Variants in RBAK observed in about 807,000 individuals in gnomAD.
RBAK encodes the protein RB associated KRAB zinc finger, also known as RB-associated KRAB zinc finger protein.
Under a neutral mutation model 65.8 loss-of-function variants are expected in RBAK, and 39 were observed. The ratio of observed to expected loss-of-function variants is 0.59; its 90% CI spans 0.46 to 0.77. The LOEUF (loss-of-function observed/expected upper bound fraction) is 0.77. Ranked by LOEUF, RBAK falls within the 30% of genes least tolerant of loss-of-function variation. RBAK has a pLI of 0.00. For synonymous variants in RBAK, 343 were observed against 289.7 expected, an observed-to-expected ratio of 1.18 and a Z score of -1.87; for missense variants, 884 against 855.1, an observed-to-expected ratio of 1.03 and a Z score of -0.42.
rs1779283367 is a variant in RBAK at position 5,068,803 on chromosome 7, A to T, written c.*3202A>T. ...GGCACATGTGCAATGGAATGAATAA[A>T]GAAGTGGCATATGTCCATGGAATAC... On this transcript the variant is annotated 3_prime_UTR_variant, in exon 5 of 5. Transcript: ENST00000396912. 1 of 152,244 alleles carries T rather than the reference A, an allele frequency of 6.6e-6. No homozygotes were observed. The highest frequency in any genetic ancestry group is 2.4e-5 in the African/African-American group (1 of 41,460). 9.4% of individuals were successfully genotyped at this position (152,244 alleles called of 1,614,324 possible).
chr7:5,062,737 A>C (rs1779107565), intron 4 of RBAK, among the ~76,000 whole-genome samples: 2 of 152,156 alleles, frequency 1.3e-5, no homozygotes, highest in African/African-American at 4.8e-5. Context: ...GCCACACCTA[A>C]GGGGGCCATC....
intron 2 of RBAK, among the ~76,000 whole-genome samples, chr7:5,050,915 T>C (rs558534380): frequency 8.3e-4 from 126 of 152,334 alleles, no homozygotes; most frequent in African/African-American, 2.7e-3. Context: ...TATTTGGTTA[T>C]GTAATTCATG....
In RBAK at chr7:5,054,936, A is replaced by C. The variant is rs557213314; in HGVS notation, c.16-2359A>C. 2.0e-5 allele frequency among the ~76,000 whole-genome samples: 3 copies of C among 150,270 alleles called. No individual in the cohort carries two copies. In the South Asian group the frequency reaches 6.2e-4, roughly 31 times the overall value. On this transcript the variant is annotated intron_variant, in intron 2 of 4. Transcript: ENST00000396912. ...GTAAGTTGACCTTAATAATACAACT[A>C]ATTTTTTTTGTTTGTTTGTTTTTTA...
chr7:5,052,822 C>T (rs866684668), intron 2 of RBAK, among the ~76,000 whole-genome samples: 15 of 152,230 alleles, frequency 9.9e-5, no homozygotes, highest in Admixed American at 2.6e-4. Flanking sequence ...TGCAGGGGTG[C>T]GATCTTGGCT....
chr7:5,051,134 T>TA (rs1435014668), intron 2 of RBAK, among the ~76,000 whole-genome samples: 1 of 152,216 alleles, frequency 6.6e-6, no homozygotes, highest in Non-Finnish European at 1.5e-5. Context: ...ATATATTTGA[T>TA]ATATTTGATA....
chr7:5,068,330 C>CTCATAGTT lies in RBAK; in HGVS notation c.*2731_*2738dup, dbSNP rs1024868092. 18 of 152,128 alleles carry CTCATAGTT rather than the reference C, an allele frequency of 1.2e-4. No homozygotes were observed. The highest frequency in any genetic ancestry group is 1.0e-3 in the Admixed American group (16 of 15,256). The allele number at this position is 152,128 out of a possible 1,614,324, so 9.4% of individuals were successfully genotyped here. A position where few individuals can be genotyped will look rare whatever the true frequency, so the allele number is the denominator to read the frequency against. The stretch of plus-strand genomic sequence containing the variant: ...GGTGGCAGTCTGGATTTGGTCTGCA[C>CTCATAGTT]TCATAGTTTTCTGGTCCCTGATCTC... On this transcript the variant is annotated 3_prime_UTR_variant, in exon 5 of 5. Transcript: ENST00000396912.
chr7:5,057,178 T>A, intron 2 of RBAK, 117 bp from the exon 3 acceptor site: 6 of 1,511,070 alleles, frequency 4.0e-6, no homozygotes, highest in Non-Finnish European at 5.4e-6. Context: ...TTCCATAATC[T>A]GTAACATAAA....
intron 4 of RBAK, among the ~76,000 whole-genome samples, chr7:5,061,416 G>T (rs1161301487): frequency 2.1e-4 from 31 of 149,966 alleles, no homozygotes; most frequent in Admixed American, 9.3e-4. Flanking sequence ...ACACTTCAAA[G>T]ATCTGATCTT....
In RBAK at chr7:5,066,928, A is replaced by G. The variant is rs1181252549; in HGVS notation, c.*1327A>G. The G allele has an allele frequency of 6.6e-6, 1 of 152,200 alleles. No individual in the cohort carries two copies. Among genetic ancestry groups the G allele is most frequent in the Non-Finnish European group, 1.5e-5 (1 of 67,998 alleles). The allele number at this position is 152,200 out of a possible 1,614,324, so 9.4% of individuals were successfully genotyped here. ...TCCAGGAATGCAAAGGTGGCTTAAT[A>G]TTCACAAGTCAGTTGCTATTATACA... On this transcript the variant is annotated 3_prime_UTR_variant, in exon 5 of 5. Coordinates refer to ENST00000396912, the MANE Select transcript of RBAK (RefSeq NM_021163.4).
rs111316275 is a variant in RBAK at position 5,057,585 on chromosome 7, C to T, written c.143-99C>T. ...AACTTTGATAAGGTAAAAAATGGAGCACTTCTGTTATGCAGCTTATGAGGT... is the reference window on the plus strand; with the variant it reads ...AACTTTGATAAGGTAAAAAATGGAGTACTTCTGTTATGCAGCTTATGAGGT... On this transcript the variant is annotated intron_variant, in intron 3 of 4. Coordinates refer to ENST00000396912, the MANE Select transcript of RBAK (RefSeq NM_021163.4). The T allele has an allele frequency of 7.3e-3, 11,593 of 1,585,750 alleles. 731 individuals are homozygous for T. The African/African-American group carries it at 0.13, about 18-fold the overall frequency.
At chr7:5,055,905 G>A (rs1289297866) in intron 2 of RBAK, among the ~76,000 whole-genome samples, 3 of 151,722 alleles carry the variant, frequency 2.0e-5, no homozygotes, top group African/African-American at 7.3e-5. Context: ...GGATCTACAT[G>A]GTCCTAGCTG....
rs150568363 is a variant in RBAK at position 5,055,421 on chromosome 7, T to C, written c.16-1874T>C. 4.1e-3 allele frequency among the ~76,000 whole-genome samples: 632 copies of C among 152,352 alleles called. 2 individuals are homozygous for C. The highest frequency in any genetic ancestry group is 7.1e-3 in the Non-Finnish European group (485 of 68,038). On this transcript the variant is annotated intron_variant, in intron 2 of 4. Transcript: ENST00000396912. ...TGTATATACATGTTATTGATGTTAA[T>C]GAAGTATCCATCAGTTTCTATTTTC...
intron 1 of RBAK, among the ~76,000 whole-genome samples, chr7:5,047,289 C>T (rs1292332588): frequency 2.0e-5 from 3 of 152,118 alleles, no homozygotes; most frequent in African/African-American, 7.2e-5. Flanking sequence ...GTCCCAGCTA[C>T]TCAGGAGGCT....
In RBAK at chr7:5,068,513, C is replaced by T. The variant is rs183547021; in HGVS notation, c.*2912C>T. 6.6e-6 allele frequency: 1 copy of T among 152,194 alleles called. No individual in the cohort carries two copies. 9.4% of individuals were successfully genotyped at this position (152,194 alleles called of 1,614,324 possible). ...TAATCAGGGAAATGCAAACTTAAAACATGTAGCACTGCTACCCATCCATGG... is the reference window on the plus strand; with the variant it reads ...TAATCAGGGAAATGCAAACTTAAAATATGTAGCACTGCTACCCATCCATGG... On this transcript the variant is annotated 3_prime_UTR_variant, in exon 5 of 5. Coordinates refer to ENST00000396912, the MANE Select transcript of RBAK (RefSeq NM_021163.4).
intron 2 of RBAK, among the ~76,000 whole-genome samples, chr7:5,049,718 T>C (rs1788073893): frequency 6.6e-6 from 1 of 152,078 alleles, no homozygotes; most frequent in Non-Finnish European, 1.5e-5. Context: ...TTTTGTTTTG[T>C]TCTGTTTCTT....
chr7:5,050,730 A>T (rs568971607), intron 2 of RBAK, among the ~76,000 whole-genome samples: 126 of 152,190 alleles, frequency 8.3e-4, no homozygotes, highest in African/African-American at 2.7e-3. Context: ...ATGTGCCACA[A>T]TGCCCAGCGA....
At position 5,064,536 on chromosome 7, in the gene RBAK, C is replaced by T. The variant is rs778142023; in HGVS notation, c.1080C>T (p.Leu360=). The change falls in exon 5 of 5, where the codon CTC becomes CTT. Residue 360 remains leucine (L), a synonymous_variant. Coordinates refer to ENST00000396912, the MANE Select transcript of RBAK (RefSeq NM_021163.4). This position sits in a 1 kb window ranked among gnomAD's most constrained non-coding sequence, Gnocchi z 6.3. ...AAACCTTCTGCCAAAAGACACATCT[C>T]ACCCTGCACCAGAGGAATCATTCAG... is the stretch of plus-strand genomic sequence containing the variant. ...CGKTFCQKTH[L]TLHQRNHSGE... 2.5e-6 allele frequency: 4 copies of T among 1,613,956 alleles called. No individual in the cohort carries two copies. The South Asian group carries it at 4.4e-5, about 18-fold the overall frequency.
chr7:5,053,571 C>G (rs1788161301), intron 2 of RBAK, among the ~76,000 whole-genome samples: 1 of 152,170 alleles, frequency 6.6e-6, no homozygotes, highest in Non-Finnish European at 1.5e-5. Flanking sequence ...TACCCACCAC[C>G]TCCCCTCCAT....
chr7:5,051,870 G>C (rs1196442965), intron 2 of RBAK, among the ~76,000 whole-genome samples: 4 of 152,152 alleles, frequency 2.6e-5, no homozygotes. Flanking sequence ...TTCTGCTCTG[G>C]TTGGGTGGAG....
Sources: allele counts gnomAD v4.1 joint callset (sites outside exome capture counted in the v4.1 genomes callset), GRCh38; gene constraint gnomAD v4.1.1; non-coding constraint Gnocchi (gnomAD v3.1); transcripts MANE v1.5; gene names NCBI Gene and HGNC (gene_info 2026-07-23, HGNC 2026-07-21).